The following EPHA6 variants were observed in gnomAD, a reference collection of about 807,000 sequenced individuals.
The protein encoded by EPHA6 is ephrin type-A receptor 6.
Under a neutral mutation model 112.0 loss-of-function variants are expected in EPHA6, and 50 were observed. That is an observed-to-expected ratio of 0.45 (90% CI 0.36 to 0.56). EPHA6 has a LOEUF of 0.56. Among genes scored for constraint, EPHA6 ranks in the 20% least tolerant of loss-of-function variants. The pLI is 0.00. For missense variants in EPHA6, 1,280 were observed against 1,417.4 expected, an observed-to-expected ratio of 0.90 and a Z score of 1.56; for synonymous variants, 529 against 490.7, an observed-to-expected ratio of 1.08 and a Z score of -1.03.
intron 3 of EPHA6, among the ~76,000 whole-genome samples, chr3:97,033,863 A>G (rs980868821): frequency 6.6e-6 from 1 of 151,942 alleles, no homozygotes; most frequent in Non-Finnish European, 1.5e-5. Flanking sequence ...CTCTTTTGTC[A>G]AGTAATGAAA....
At chr3:96,909,157 G>T (rs1426655123) in intron 2 of EPHA6, among the ~76,000 whole-genome samples, 1 of 151,850 alleles carries the variant, frequency 6.6e-6, no homozygotes, top group Non-Finnish European at 1.5e-5. Context: ...AGTTTGGAAA[G>T]ATTTTTTAAA....
intron 14 of EPHA6, among the ~76,000 whole-genome samples, chr3:97,643,049 G>A (rs2094023645): frequency 2.0e-5 from 3 of 152,202 alleles, no homozygotes; most frequent in East Asian, 3.9e-4. Flanking sequence ...GAGAAAGGTC[G>A]GGTTACCCTC....
Position 97,366,249 on chromosome 3 carries a change from T to C in EPHA6, c.1607-38901T>C, listed in dbSNP as rs538522977. ...TGATTTTTTCGTATTCTGTGCAGTT[T>C]TACTTTCTTGTATACTAATAAAAGC... is the stretch of plus-strand genomic sequence containing the variant. On this transcript the variant is annotated intron_variant, in intron 5 of 17. Transcript: ENST00000389672. Among the ~76,000 whole-genome samples the C allele has an allele frequency of 2.0e-5, 3 of 152,324 alleles. No homozygotes were observed. The South Asian group carries it at 6.2e-4, about 32-fold the overall frequency.
intron 2 of EPHA6, among the ~76,000 whole-genome samples, chr3:96,951,670 ATAAATT>A (rs2041542207): frequency 6.6e-6 from 1 of 152,196 alleles, no homozygotes; most frequent in African/African-American, 2.4e-5. Context: ...TGAAAATCAG[ATAAATT>A]TAAGCAACTA....
chr3:97,632,307 G>A (rs1305966096), intron 13 of EPHA6, among the ~76,000 whole-genome samples: 1 of 152,004 alleles, frequency 6.6e-6, no homozygotes, highest in East Asian at 1.9e-4. Context: ...TGCCAGGCAA[G>A]GTGCTAGACC....
intron 3 of EPHA6, among the ~76,000 whole-genome samples, chr3:97,084,095 T>TGTGTGC (rs1169506871): frequency 2.4e-4 from 19 of 78,774 alleles, no homozygotes; most frequent in African/African-American, 1.2e-3. Flanking sequence ...TGTGTGTGTG[T>TGTGTGC]GCATGGATAT....
intron 3 of EPHA6, among the ~76,000 whole-genome samples, chr3:97,114,641 C>G (rs2047827057): frequency 6.6e-6 from 1 of 152,128 alleles, no homozygotes; most frequent in African/African-American, 2.4e-5. Context: ...ATATAGCATT[C>G]TTACTTAGAG....
intron 3 of EPHA6, among the ~76,000 whole-genome samples, chr3:97,009,635 C>G (rs1207447979): frequency 6.6e-6 from 1 of 152,256 alleles, no homozygotes; most frequent in Admixed American, 6.5e-5. Flanking sequence ...TTGCCCCTCC[C>G]CCAAGGAGTT....
intron 2 of EPHA6, among the ~76,000 whole-genome samples, chr3:96,944,262 C>G (rs1036889089): frequency 1.8e-4 from 28 of 152,132 alleles, no homozygotes; most frequent in Admixed American, 5.9e-4. Flanking sequence ...GATTTATCAG[C>G]AGCTTTTATC....
intron 5 of EPHA6, among the ~76,000 whole-genome samples, chr3:97,308,373 CAAGT>C (rs2108745185): frequency 6.6e-6 from 1 of 151,818 alleles, no homozygotes; most frequent in Non-Finnish European, 1.5e-5. Flanking sequence ...ACATAGCAAG[CAAGT>C]TTCTCTGAAA....
chr3:97,416,850 A>G (rs1431365145), intron 6 of EPHA6, among the ~76,000 whole-genome samples: 2 of 152,112 alleles, frequency 1.3e-5, no homozygotes, highest in East Asian at 3.9e-4. Context: ...ACTTTCAGTT[A>G]TTTTTCCCCA....
At chr3:97,175,917 T>A (rs531263593) in intron 3 of EPHA6, among the ~76,000 whole-genome samples, 64 of 152,020 alleles carry the variant, frequency 4.2e-4, no homozygotes, top group Middle Eastern at 6.8e-3. Context: ...CTGATTGCTC[T>A]AGATAGGCCT....
At chr3:97,705,282 C>T (rs1189730762) in intron 14 of EPHA6, among the ~76,000 whole-genome samples, 1 of 152,082 alleles carries the variant, frequency 6.6e-6, no homozygotes, top group Non-Finnish European at 1.5e-5. Flanking sequence ...CCCCTCCTCT[C>T]TCACACCTCT....
chr3:97,489,539 A>G (rs1045411613), intron 10 of EPHA6, among the ~76,000 whole-genome samples: 4 of 152,076 alleles, frequency 2.6e-5, no homozygotes, highest in Non-Finnish European at 5.9e-5. Context: ...ACAAAAAATT[A>G]GCAGGGCGTT....
chr3:97,290,285 A>T (rs1270138523), intron 5 of EPHA6, among the ~76,000 whole-genome samples: 1 of 152,040 alleles, frequency 6.6e-6, no homozygotes, highest in Admixed American at 6.5e-5. Context: ...CTTGGTATTG[A>T]TTTTTATTGG....
At chr3:97,149,652 G>GA (rs1002023190) in intron 3 of EPHA6, among the ~76,000 whole-genome samples, 11 of 151,696 alleles carry the variant, frequency 7.3e-5, no homozygotes, top group African/African-American at 2.2e-4. Flanking sequence ...AATTGCATGT[G>GA]AAAAAACTTT....
chr3:97,539,103 CCTTT>C (rs763185692), intron 11 of EPHA6, among the ~76,000 whole-genome samples: 2,196 of 83,830 alleles, frequency 0.026, 21 homozygotes, highest in Middle Eastern at 0.052. Context: ...TTCCTTCCTT[CCTTT>C]CTTTCTTTCT....
chr3:97,016,180 T>C (rs1351332584), intron 3 of EPHA6, among the ~76,000 whole-genome samples: 1 of 152,176 alleles, frequency 6.6e-6, no homozygotes, highest in Non-Finnish European at 1.5e-5. Flanking sequence ...GTTTGATACT[T>C]TGTATATTCA....
chr3:96,984,214 C>A (rs921611410), intron 2 of EPHA6, among the ~76,000 whole-genome samples: 1 of 152,022 alleles, frequency 6.6e-6, no homozygotes, highest in Non-Finnish European at 1.5e-5. Context: ...ATGATGGTGA[C>A]GTGCAGATGG....
Sources: gnomAD v4.1 joint callset for allele counts (sites outside exome capture counted in the v4.1 genomes callset) on GRCh38, gnomAD v4.1.1 for gene constraint, MANE v1.5 for transcripts, NCBI Gene and HGNC (gene_info 2026-07-23, HGNC 2026-07-21) for gene names.